The following OCA2 variants were observed in gnomAD, a reference collection of about 807,000 sequenced individuals.
The protein encoded by OCA2 is OCA2 melanosomal transmembrane protein.
OCA2 carries 77 observed loss-of-function variants against 100.2 expected under a neutral mutation model. That is an observed-to-expected ratio of 0.77 (90% CI 0.64 to 0.93). The LOEUF (loss-of-function observed/expected upper bound fraction) is 0.93, where lower values mean the gene tolerates loss of function less well. Ranked by LOEUF, OCA2 falls within the 40% of genes least tolerant of loss-of-function variation. The pLI is 0.00. For missense variants in OCA2, 1,062 were observed against 1,089.1 expected (o/e 0.98, Z 0.35); for synonymous variants, 432 against 439.2 (o/e 0.98, Z 0.21).
intron 14 of OCA2, among the ~76,000 whole-genome samples, chr15:27,971,493 G>T (rs1395123291): frequency 2.0e-5 from 3 of 152,134 alleles, no homozygotes; most frequent in Non-Finnish European, 4.4e-5. Context: ...GCGCGTGGAT[G>T]CTACAGCCAG....
Position 27,957,733 on chromosome 15 carries a change from G to T in OCA2, c.1639C>A (p.Leu547Met). 1 of 1,613,174 alleles carries T rather than the reference G, an allele frequency of 6.2e-7. No homozygotes were observed. The change falls in exon 16 of 24, where the codon CTG becomes ATG. Residue 547 changes from leucine (L) to methionine (M), a missense_variant and splice_region_variant. By Grantham distance (15) the Leu-to-Met change is conservative. Coordinates refer to ENST00000354638, the MANE Select transcript of OCA2 (RefSeq NM_000275.3). This position sits in a 1 kb window ranked among gnomAD's most constrained non-coding sequence, Gnocchi z 4.3. ...CGCCAGACGTGAATCTCGTGCTTCA[G>T]TTCTGCAGAGAAAGGAAGGCGAAGC... ...YNKEPSEIVE[L>M]KHEIHVWRLT... is the part of the protein sequence containing the mutation.
intron 14 of OCA2, among the ~76,000 whole-genome samples, chr15:27,968,414 T>A (rs2040653449): frequency 6.6e-6 from 1 of 152,224 alleles, no homozygotes; most frequent in Non-Finnish European, 1.5e-5. Context: ...TAGGAACCTC[T>A]TACATAGGTA....
chr15:27,904,000 TGCTG>T (rs2038069673), intron 19 of OCA2, among the ~76,000 whole-genome samples: 1 of 152,218 alleles, frequency 6.6e-6, no homozygotes, highest in Admixed American at 6.5e-5. Flanking sequence ...TAGTGCAGTG[TGCTG>T]GCTATTTGTC....
Position 27,990,645 on chromosome 15 carries a change from G to C in OCA2, c.1047C>G (p.Ile349Met), listed in dbSNP as rs767182132. 14 of 1,613,726 alleles carry C rather than the reference G, an allele frequency of 8.7e-6. No individual in the cohort carries two copies. The highest frequency in any genetic ancestry group is 1.1e-5 in the Non-Finnish European group (13 of 1,179,840). The change falls in exon 10 of 24, where the codon ATC (isoleucine) becomes ATG (methionine). Residue 349 changes from isoleucine to methionine, a missense_variant and splice_region_variant. By Grantham distance (10) the Ile-to-Met change is conservative. Coordinates refer to ENST00000354638, the MANE Select transcript of OCA2 (RefSeq NM_000275.3). ...AGVYALIIFE[I>M]VHRTLAAMLG... ...GCATGGCCGCCAGAGTTCTGTGCACGATCTGGAAAGAAGCACAGGAAATTA... is the reference window on the plus strand; with the variant it reads ...GCATGGCCGCCAGAGTTCTGTGCACCATCTGGAAAGAAGCACAGGAAATTA...
Position 27,780,324 on chromosome 15 carries a change from C to T in OCA2, c.2433-24852G>A, listed in dbSNP as rs77412477. ...CTACCATCATTCTTCACCTCCCTCC[C>T]CTGACCACAGTTGGCCCTCTGGGCA... is the stretch of plus-strand genomic sequence containing the variant. On this transcript the variant is annotated intron_variant, in intron 23 of 23. Coordinates refer to ENST00000354638, the MANE Select transcript of OCA2 (RefSeq NM_000275.3). 5.3e-3 allele frequency among the ~76,000 whole-genome samples: 805 copies of T among 152,292 alleles called. 7 individuals carry two copies. Among genetic ancestry groups the T allele is most frequent in the African/African-American group, 0.018 (766 of 41,566 alleles).
chr15:27,730,095 G>T, the OCA2 span, among the ~76,000 whole-genome samples: 1 of 152,174 alleles, frequency 6.6e-6, no homozygotes, highest in Middle Eastern at 3.2e-3. Flanking sequence ...TCAGATACCA[G>T]TCTCAAGTCC....
intron 2 of OCA2, among the ~76,000 whole-genome samples, chr15:28,074,858 G>C (rs944828808): frequency 1.3e-5 from 2 of 152,124 alleles, no homozygotes; most frequent in African/African-American, 4.8e-5. Flanking sequence ...AAAGAATAGA[G>C]AGTTCAGAAA....
At chr15:27,743,445 C>T in the OCA2 span, among the ~76,000 whole-genome samples, 1 of 152,154 alleles carries the variant, frequency 6.6e-6, no homozygotes, top group African/African-American at 2.4e-5. Flanking sequence ...CTCGTCTGGG[C>T]TTATTGAACA....
intron 9 of OCA2, among the ~76,000 whole-genome samples, chr15:27,998,332 G>T (rs199742655): frequency 0.14 from 8,261 of 58,694 alleles, 1,120 homozygotes; most frequent in Middle Eastern, 0.33. Flanking sequence ...AATCTACAAT[G>T]AACTCAAACA....
At position 27,983,340 on chromosome 15, in the gene OCA2, C is replaced by A; in HGVS notation, c.1503+5G>T. The A allele has an allele frequency of 1.2e-6, 2 of 1,614,106 alleles. No homozygotes were observed. Among genetic ancestry groups the A allele is most frequent in the South Asian group, 2.2e-5 (2 of 91,084 alleles). ...TGGAAGCAACCCTAGCATGCTGGTA[C>A]GTACCATCTTCCTCAGCTCTTGGTT... On this transcript the variant is annotated splice_donor_5th_base_variant and intron_variant, in intron 14 of 23. Coordinates refer to ENST00000354638, the MANE Select transcript of OCA2 (RefSeq NM_000275.3).
At position 28,070,273 on chromosome 15, in the gene OCA2, C is replaced by T. The variant is rs1355382183; in HGVS notation, c.227+11375G>A. ...GCCACCCCATCTGGGAAGTGAGGAG[C>T]GTCTCCGCCCGGCAGCCACCCCGTC... On this transcript the variant is annotated intron_variant, in intron 2 of 23. Transcript: ENST00000354638. Among the ~76,000 whole-genome samples, 18 of 140,322 alleles carry T rather than the reference C, an allele frequency of 1.3e-4. No homozygotes were observed. The East Asian group carries it at 1.3e-3, about 10-fold the overall frequency. 92.1% of individuals were successfully genotyped at this position (140,322 alleles called of 152,430 possible). A position where few individuals can be genotyped will look rare whatever the true frequency, so the allele number is the denominator to read the frequency against.
intron 23 of OCA2, among the ~76,000 whole-genome samples, chr15:27,789,105 T>A (rs185206274): frequency 6.6e-6 from 1 of 151,676 alleles, no homozygotes; most frequent in Non-Finnish European, 1.5e-5. Context: ...TTTCAATTAG[T>A]TAAAAGAAGA....
At chr15:27,884,779 G>A (rs1020179503) in intron 19 of OCA2, among the ~76,000 whole-genome samples, 15 of 152,282 alleles carry the variant, frequency 9.9e-5, no homozygotes, top group African/African-American at 2.9e-4. Flanking sequence ...ATAGTGATAC[G>A]TATTTTTTTG....
At chr15:27,875,062 TGAAGA>T (rs1034196954) in intron 19 of OCA2, among the ~76,000 whole-genome samples, 4 of 151,570 alleles carry the variant, frequency 2.6e-5, no homozygotes, top group Admixed American at 2.6e-4. Flanking sequence ...CCCAAAGAAG[TGAAGA>T]GAAAATGATA....
chr15:27,996,050 A>T (rs2041717121), intron 9 of OCA2, among the ~76,000 whole-genome samples: 1 of 152,080 alleles, frequency 6.6e-6, no homozygotes, highest in African/African-American at 2.4e-5. Flanking sequence ...TGAACTCATG[A>T]TCCGCCCACC....
intron 7 of OCA2, among the ~76,000 whole-genome samples, chr15:28,017,997 G>A (rs946461512): frequency 2.6e-5 from 4 of 152,090 alleles, no homozygotes; most frequent in African/African-American, 9.7e-5. Context: ...CAGAACGTAG[G>A]CACTGTCTTA....
intron 23 of OCA2, among the ~76,000 whole-genome samples, chr15:27,829,268 TAGA>T (rs2034852179): frequency 1.7e-5 from 2 of 118,570 alleles, no homozygotes; most frequent in African/African-American, 6.4e-5. Flanking sequence ...AGACAAGAGA[TAGA>T]AGATAGATGA....
At chr15:27,977,299 T>C (rs1248761220) in intron 14 of OCA2, among the ~76,000 whole-genome samples, 2 of 152,184 alleles carry the variant, frequency 1.3e-5, no homozygotes, top group Admixed American at 6.6e-5. Flanking sequence ...TCTTTCTGAT[T>C]CCATAGGATA....
chr15:27,749,611 A>G, the OCA2 span, among the ~76,000 whole-genome samples: 1 of 151,954 alleles, frequency 6.6e-6, no homozygotes, highest in Non-Finnish European at 1.5e-5. Flanking sequence ...TTTTTTTTTA[A>G]TTCTGTAACT....
Sources: gnomAD v4.1 joint callset for allele counts (sites outside exome capture counted in the v4.1 genomes callset) on GRCh38, gnomAD v4.1.1 for gene constraint, Gnocchi (gnomAD v3.1) non-coding constraint, MANE v1.5 for transcripts, NCBI Gene and HGNC (gene_info 2026-07-23, HGNC 2026-07-21) for gene names.